Variants in GSK3B observed in about 807,000 individuals in gnomAD.
The protein encoded by GSK3B is glycogen synthase kinase 3 beta.
Under a neutral mutation model 56.4 loss-of-function variants are expected in GSK3B, and 15 were observed. The ratio of observed to expected loss-of-function variants is 0.27; its 90% CI spans 0.18 to 0.41. The LOEUF is 0.41. Among genes scored for constraint, GSK3B ranks in the 10% least tolerant of loss-of-function variants. The pLI is 1.00. For synonymous variants in GSK3B, 181 were observed against 188.9 expected, an observed-to-expected ratio of 0.96 and a Z score of 0.34; for missense variants, 300 against 513.4, an observed-to-expected ratio of 0.58 and a Z score of 4.02.
intron 7 of GSK3B, among the ~76,000 whole-genome samples, chr3:119,887,188 GTAT>G (rs1451524965): frequency 6.6e-6 from 1 of 152,150 alleles, no homozygotes; most frequent in African/African-American, 2.4e-5. Context: ...GGCTTGCATG[GTAT>G]TATTATTTTT....
At position 120,054,641 on chromosome 3, in the gene GSK3B, C is replaced by T. The variant is rs75126237; in HGVS notation, c.88+38706G>A. Reference sequence around the variant, plus strand: ...CAATTATCAGAGGGTCTCTGACCATCTTCTCTTCTCCTACTAAAAATTCTC... The same window carrying T: ...CAATTATCAGAGGGTCTCTGACCATTTTCTCTTCTCCTACTAAAAATTCTC... On this transcript the variant is annotated intron_variant, in intron 1 of 10. Coordinates refer to ENST00000264235, the MANE Select transcript of GSK3B (RefSeq NM_001146156.2). Among the ~76,000 whole-genome samples the T allele has an allele frequency of 3.2e-3, 490 of 152,202 alleles. 19 individuals carry two copies. The East Asian group carries it at 0.08, about 25-fold the overall frequency.
chr3:120,044,120 C>T (rs2058084643), intron 1 of GSK3B, among the ~76,000 whole-genome samples: 1 of 152,230 alleles, frequency 6.6e-6, no homozygotes, highest in Non-Finnish European at 1.5e-5. Flanking sequence ...TGGTAACTCT[C>T]TTCCAGGATT....
intron 1 of GSK3B, among the ~76,000 whole-genome samples, chr3:120,081,468 A>G (rs979644303): frequency 4.6e-5 from 7 of 152,080 alleles, no homozygotes; most frequent in African/African-American, 1.4e-4. Flanking sequence ...AATCGCTTGA[A>G]CCCAGGAGGT....
chr3:119,829,920 T>C (rs1400225282), intron 10 of GSK3B, among the ~76,000 whole-genome samples: 2 of 152,216 alleles, frequency 1.3e-5, no homozygotes, highest in African/African-American at 4.8e-5. Flanking sequence ...ATCTTTGATA[T>C]CGAAAGTCAC....
In GSK3B at chr3:119,822,643, GC is replaced by G; in HGVS notation, c.*4144del. ...AGATCTCAGTCTGGGACTCTACTGT[GC>G]TTCTAGTTGTCTCTTTTATTTTCAG... On this transcript the variant is annotated 3_prime_UTR_variant, in exon 11 of 11. Coordinates refer to ENST00000264235, the MANE Select transcript of GSK3B (RefSeq NM_001146156.2). 4.4e-6 allele frequency: 1 copy of G among 228,576 alleles called. No individual in the cohort carries two copies. The highest frequency in any genetic ancestry group is 1.3e-3 in the Middle Eastern group (1 of 748). The allele number at this position is 228,576 out of a possible 1,614,324, so 14.2% of individuals were successfully genotyped here.
intron 1 of GSK3B, among the ~76,000 whole-genome samples, chr3:120,013,802 A>G (rs1410101571): frequency 6.6e-6 from 1 of 151,886 alleles, no homozygotes; most frequent in African/African-American, 2.4e-5. Context: ...GCCACTGTAA[A>G]TTTTTCAGGT....
intron 1 of GSK3B, among the ~76,000 whole-genome samples, chr3:120,033,150 G>C (rs1173691305): frequency 6.6e-6 from 1 of 152,112 alleles, no homozygotes; most frequent in Non-Finnish European, 1.5e-5. Context: ...ATGTTTTCCA[G>C]GTTCATCCAT....
At chr3:120,006,537 A>G (rs1376471679) in intron 1 of GSK3B, among the ~76,000 whole-genome samples, 1 of 152,208 alleles carries the variant, frequency 6.6e-6, no homozygotes, top group East Asian at 1.9e-4. Context: ...CAGCAAATGT[A>G]AAAGAACAGA....
At chr3:119,897,570 T>C (rs1029947500) in intron 7 of GSK3B, among the ~76,000 whole-genome samples, 6 of 152,026 alleles carry the variant, frequency 3.9e-5, no homozygotes, top group Non-Finnish European at 8.8e-5. Flanking sequence ...TACAAACTGT[T>C]TGGTATTTAT....
intron 9 of GSK3B, among the ~76,000 whole-genome samples, chr3:119,847,142 TA>T (rs1368841263): frequency 6.7e-6 from 1 of 149,240 alleles, no homozygotes; most frequent in Non-Finnish European, 1.5e-5. Flanking sequence ...TGTTGCGGGG[TA>T]GGGGGGAAGG....
intron 1 of GSK3B, among the ~76,000 whole-genome samples, chr3:120,090,877 T>C (rs997984029): frequency 6.6e-6 from 1 of 152,200 alleles, no homozygotes; most frequent in African/African-American, 2.4e-5. Flanking sequence ...CATCTGTTCT[T>C]ATGTTCTTAT....
intron 2 of GSK3B, among the ~76,000 whole-genome samples, chr3:119,981,751 C>T (rs907186404): frequency 5.3e-5 from 8 of 152,266 alleles, no homozygotes; most frequent in Non-Finnish European, 1.0e-4. Context: ...TAGACTCCAC[C>T]TCTGTGGGCA....
intron 7 of GSK3B, among the ~76,000 whole-genome samples, chr3:119,886,795 T>C (rs1022525354): frequency 1.3e-5 from 2 of 152,100 alleles, no homozygotes; most frequent in African/African-American, 2.4e-5. Context: ...ATGTTCTCAC[T>C]TATAAGTGGG....
At chr3:119,839,553 T>C (rs1179143907) in intron 10 of GSK3B, among the ~76,000 whole-genome samples, 1 of 152,178 alleles carries the variant, frequency 6.6e-6, no homozygotes, top group African/African-American at 2.4e-5. Flanking sequence ...AGTACCTGAA[T>C]TGCAATGATG....
In GSK3B at chr3:120,054,186, C is replaced by G. The variant is rs1486868454; in HGVS notation, c.88+39161G>C. ...ATAAAAAACATTTCTCTAGAAAGTTCAAGATGATGGTATTTTATCCTTAGT... is the reference window on the plus strand; with the variant it reads ...ATAAAAAACATTTCTCTAGAAAGTTGAAGATGATGGTATTTTATCCTTAGT... On this transcript the variant is annotated intron_variant, in intron 1 of 10. Coordinates refer to ENST00000264235, the MANE Select transcript of GSK3B (RefSeq NM_001146156.2). Among the ~76,000 whole-genome samples the G allele has an allele frequency of 2.6e-5, 4 of 152,178 alleles. No individual in the cohort carries two copies. The East Asian group carries it at 7.7e-4, about 29-fold the overall frequency.
At chr3:119,843,444 A>G (rs1158638000) in intron 9 of GSK3B, 91 bp from the exon 10 acceptor site, 7 of 668,676 alleles carry the variant, frequency 1.0e-5, no homozygotes, top group Non-Finnish European at 1.8e-5. Flanking sequence ...AAGATTCTGC[A>G]TTAAACTACC....
At chr3:119,855,340 A>C (rs569861308) in intron 9 of GSK3B, among the ~76,000 whole-genome samples, 1 of 152,318 alleles carries the variant, frequency 6.6e-6, no homozygotes, top group East Asian at 1.9e-4. Context: ...CAGGTGCTGG[A>C]GAGGATGTGG....
intron 2 of GSK3B, among the ~76,000 whole-genome samples, chr3:119,997,775 G>T (rs2057634439): frequency 6.6e-6 from 1 of 152,090 alleles, no homozygotes; most frequent in Non-Finnish European, 1.5e-5. Flanking sequence ...AGGAAACCCA[G>T]AAGAAAATCC....
At position 119,896,267 on chromosome 3, in the gene GSK3B, A is replaced by C. The variant is rs573853875; in HGVS notation, c.813+9488T>G. On this transcript the variant is annotated intron_variant, in intron 7 of 10. Transcript: ENST00000264235. ...CCCCGCCAAAAAGTTTTGATTACGT[A>C]AACTATTGAACATAAAGTGAAAAAT... Among the ~76,000 whole-genome samples the C allele has an allele frequency of 5.3e-5, 8 of 152,306 alleles. No homozygotes were observed. The South Asian group carries it at 1.2e-3, about 24-fold the overall frequency.
Sources: gnomAD v4.1 joint callset for allele counts (sites outside exome capture counted in the v4.1 genomes callset) on GRCh38, gnomAD v4.1.1 for gene constraint, MANE v1.5 for transcripts, NCBI Gene and HGNC (gene_info 2026-07-23, HGNC 2026-07-21) for gene names.